The following LPIN1 variants were observed in gnomAD, a reference collection of about 807,000 sequenced individuals.
LPIN1 encodes the protein lipin 1.
In LPIN1, 71 loss-of-function variants were observed where a neutral mutation model predicts 107.5. That is an observed-to-expected ratio of 0.66 (90% CI 0.55 to 0.80). The LOEUF is 0.80. Among genes scored for constraint, LPIN1 ranks in the 30% least tolerant of loss-of-function variants. The pLI is 0.00. For missense variants in LPIN1, 1,043 were observed against 1,160.6 expected (o/e 0.90, Z 1.47); for synonymous variants, 445 against 452.6 (o/e 0.98, Z 0.21).
At chr2:11,756,458 A>G (rs998349984) in intron 1 of LPIN1, among the ~76,000 whole-genome samples, 46 of 152,250 alleles carry the variant, frequency 3.0e-4, no homozygotes, top group South Asian at 1.2e-3. Flanking sequence ...ACGTGATCTC[A>G]GCCCATTGCA....
chr2:11,804,669 T>TG, intron 16 of LPIN1, 98 bp downstream of exon 16: 1 of 1,323,450 alleles, frequency 7.6e-7, no homozygotes, highest in South Asian at 1.2e-5. Context: ...TCATGGGACT[T>TG]GCACGGTTCG....
At chr2:11,768,531 T>G (rs1444786182) in intron 3 of LPIN1, among the ~76,000 whole-genome samples, 1 of 152,212 alleles carries the variant, frequency 6.6e-6, no homozygotes. Flanking sequence ...GACTAATGTT[T>G]CAAGGTTCAT....
chr2:11,715,442 A>G (rs911488190), intron 2 of LPIN1, among the ~76,000 whole-genome samples: 1 of 152,182 alleles, frequency 6.6e-6, no homozygotes, highest in African/African-American at 2.4e-5. Flanking sequence ...TCCGCCATCC[A>G]TGGTAGGGGT....
chr2:11,696,389 G>A (rs1297672901), intron 1 of LPIN1, among the ~76,000 whole-genome samples: 1 of 152,130 alleles, frequency 6.6e-6, no homozygotes, highest in Non-Finnish European at 1.5e-5. Flanking sequence ...TGGGGACATA[G>A]TGGGTTCTCC....
intron 1 of LPIN1, among the ~76,000 whole-genome samples, chr2:11,758,758 G>A (rs199872989): frequency 6.6e-6 from 1 of 152,256 alleles, no homozygotes; most frequent in East Asian, 1.9e-4. Flanking sequence ...ATTCTTTGCG[G>A]TAGGAAAATA....
intron 1 of LPIN1, among the ~76,000 whole-genome samples, chr2:11,708,501 C>T (rs1269167923): frequency 6.6e-6 from 1 of 152,072 alleles, no homozygotes; most frequent in Non-Finnish European, 1.5e-5. Flanking sequence ...GGCAAGGGGG[C>T]AGGCAGGAGT....
rs139986663 is a variant in LPIN1, at chr2:11,806,011, A to T, written c.2249+855A>T. ...ATGCGAGTGAAATCTCCCCCTCCACAGCATTCTGTTCTCCAGCCAGTTAGA... is the reference window on the plus strand; with the variant it reads ...ATGCGAGTGAAATCTCCCCCTCCACTGCATTCTGTTCTCCAGCCAGTTAGA... On this transcript the variant is annotated intron_variant, in intron 17 of 20. Transcript: ENST00000674199. Among the ~76,000 whole-genome samples the T allele has an allele frequency of 7.3e-3, 1,105 of 152,206 alleles. 10 individuals are homozygous for T. Among genetic ancestry groups the T allele is most frequent in the African/African-American group, 0.026 (1,060 of 41,520 alleles).
chr2:11,679,698 C>T (rs1041239297), intron 1 of LPIN1, among the ~76,000 whole-genome samples: 4 of 152,216 alleles, frequency 2.6e-5, no homozygotes, highest in African/African-American at 4.8e-5. Context: ...GCTGATCCAC[C>T]GTGGTCTAGA....
chr2:11,734,730 T>C (rs969589801), intron 1 of LPIN1, among the ~76,000 whole-genome samples: 33 of 152,264 alleles, frequency 2.2e-4, no homozygotes, highest in Middle Eastern at 3.4e-3. Context: ...GTTTTACAGG[T>C]GGCCACAGGC....
At chr2:11,743,675 G>T (rs1666596578), upstream of LPIN1, among the ~76,000 whole-genome samples, 1 of 152,202 alleles carries the variant, frequency 6.6e-6, no homozygotes, top group South Asian at 2.1e-4. This position sits in a 1 kb window ranked among gnomAD's most constrained non-coding sequence, Gnocchi z 4.7. Flanking sequence ...ACCTCTAGGG[G>T]AAGAATTCAT....
chr2:11,679,110 C>A (rs1039746014), intron 1 of LPIN1, among the ~76,000 whole-genome samples: 8 of 152,208 alleles, frequency 5.3e-5, no homozygotes, highest in Non-Finnish European at 1.2e-4. Context: ...CTGACTCTCT[C>A]GCCAGCCTGA....
At chr2:11,735,291 CAAAA>C (rs1213109442) in intron 1 of LPIN1, among the ~76,000 whole-genome samples, 2 of 106,450 alleles carry the variant, frequency 1.9e-5, no homozygotes, top group African/African-American at 3.0e-5. Flanking sequence ...GACTCTGTCT[CAAAA>C]AAAAAAAAAA....
chr2:11,770,586 G>C (rs756383249), intron 3 of LPIN1, among the ~76,000 whole-genome samples: 1 of 152,194 alleles, frequency 6.6e-6, no homozygotes, highest in Non-Finnish European at 1.5e-5. Context: ...CATGTCTGAT[G>C]CTCTCCAAAC....
intron 7 of LPIN1, among the ~76,000 whole-genome samples, chr2:11,780,426 G>A (rs1673395869): frequency 6.6e-6 from 1 of 152,196 alleles, no homozygotes; most frequent in African/African-American, 2.4e-5. Context: ...AGACATCTGG[G>A]AGAGCCCTGG....
At chr2:11,792,540 G>A (rs1014178417) in intron 13 of LPIN1, among the ~76,000 whole-genome samples, 2 of 151,832 alleles carry the variant, frequency 1.3e-5, no homozygotes, top group African/African-American at 4.8e-5. Flanking sequence ...GCACCACCAC[G>A]CACAGCTAAG....
chr2:11,781,922 CT>C (rs1476962549), intron 7 of LPIN1, among the ~76,000 whole-genome samples: 4 of 152,224 alleles, frequency 2.6e-5, no homozygotes, highest in Non-Finnish European at 5.9e-5. Flanking sequence ...TGTGAAAAGA[CT>C]TGTAATCTAA....
At chr2:11,737,848 A>G (rs1328903669) in intron 1 of LPIN1, among the ~76,000 whole-genome samples, 3 of 152,362 alleles carry the variant, frequency 2.0e-5, no homozygotes, top group East Asian at 3.9e-4. Context: ...AGGATCTAGA[A>G]CCAGAAATAC....
At chr2:11,794,892 A>T (rs887509681) in intron 13 of LPIN1, among the ~76,000 whole-genome samples, 1 of 152,212 alleles carries the variant, frequency 6.6e-6, no homozygotes, top group Non-Finnish European at 1.5e-5. Flanking sequence ...GAGAAACAAG[A>T]CTGGGCCCAG....
chr2:11,715,202 C>T (rs936317928), intron 2 of LPIN1, among the ~76,000 whole-genome samples: 7 of 152,140 alleles, frequency 4.6e-5, no homozygotes, highest in African/African-American at 1.7e-4. Flanking sequence ...GGCAGCTTCC[C>T]GTGGTTCAGT....
Sources: gnomAD v4.1 joint callset for allele counts (sites outside exome capture counted in the v4.1 genomes callset) on GRCh38, gnomAD v4.1.1 for gene constraint, Gnocchi (gnomAD v3.1) non-coding constraint, MANE v1.5 for transcripts, NCBI Gene and HGNC (gene_info 2026-07-23, HGNC 2026-07-21) for gene names.